Variants in TMEM223 observed in about 807,000 individuals in gnomAD.
TMEM223 encodes the protein transmembrane protein 223.
Under a neutral mutation model 14.1 loss-of-function variants are expected in TMEM223, and 14 were observed. That is an observed-to-expected ratio of 0.99 (90% CI 0.66 to 1.55). The LOEUF (loss-of-function observed/expected upper bound fraction) is 1.55. Among genes scored for constraint, TMEM223 ranks in the 40% most tolerant of loss-of-function variants. The pLI, the probability that TMEM223 is intolerant of heterozygous loss-of-function variation, is 0.00. For synonymous variants in TMEM223, 145 were observed against 120.5 expected (o/e 1.20, Z -1.33); for missense variants, 346 against 269.9 (o/e 1.28, Z -1.97).
At chr11:62,778,636 C>T in intron 1 of TMEM223, 2 of 610,742 alleles carry the variant, frequency 3.3e-6, no homozygotes, top group South Asian at 2.0e-5. Context: ...CTGAAGCTCT[C>T]AGGAGTCCGT....
At chr11:62,788,993 A>G (rs778354387), downstream of TMEM223, 1 of 1,590,040 alleles carries the variant, frequency 6.3e-7, no homozygotes, top group Non-Finnish European at 8.6e-7. Flanking sequence ...ATTAACCTGA[A>G]ATCTAGGACT....
intron 1 of TMEM223, chr11:62,777,953 G>A (rs778142241): frequency 6.2e-7 from 1 of 1,612,248 alleles, no homozygotes; most frequent in African/African-American, 1.3e-5. Flanking sequence ...GATTCAGGCT[G>A]CTCTCCAATT....
At chr11:62,776,056 G>A in intron 1 of TMEM223, 1 of 1,254,790 alleles carries the variant, frequency 8.0e-7, no homozygotes, top group Non-Finnish European at 1.1e-6. Context: ...GACAGTCCAT[G>A]CCTTTACAGA....
chr11:62,771,377 G>GCGGGGC (rs1329712890), downstream of TMEM223: 1 of 153,390 alleles, frequency 6.5e-6, no homozygotes, highest in Admixed American at 6.5e-5. Flanking sequence ...ATTGGGGAGG[G>GCGGGGC]CGGGGCCGGG....
downstream of TMEM223, among the ~76,000 whole-genome samples, chr11:62,784,263 C>T (rs1264103376): frequency 1.3e-5 from 2 of 150,066 alleles, no homozygotes; most frequent in East Asian, 4.0e-4. Context: ...GCTGGGATTA[C>T]AGGCGTGAGC....
At chr11:62,790,962 T>C in intron 1 of TMEM223, 47 bp from the exon 2 acceptor site, 2 of 1,477,550 alleles carry the variant, frequency 1.4e-6, no homozygotes, top group South Asian at 1.4e-5. Flanking sequence ...ACTGGGCATC[T>C]AAGTACCGAC....
At chr11:62,789,270 A>G (rs2084329784), downstream of TMEM223, 1 of 1,613,874 alleles carries the variant, frequency 6.2e-7, no homozygotes, top group Admixed American at 1.7e-5. Context: ...CTCCACCACA[A>G]GGCTTGTTCT....
At position 62,791,968 on chromosome 11, in the gene TMEM223, GGGC is replaced by G; in HGVS notation, c.24_26del (p.Trp8_Pro9delinsCys). On this transcript the variant is annotated inframe_deletion, in exon 1 of 2. Coordinates refer to ENST00000307366, the MANE Select transcript of TMEM223 (RefSeq NM_001080501.3). ...GCCGCAGCACGGCTAGCAGCCCCGT[GGGC>G]CATCGCCTCCAAGGCGCCGCCATGG... The G allele has an allele frequency of 6.4e-7, 1 of 1,565,154 alleles. No homozygotes were observed. The highest frequency in any genetic ancestry group is 1.4e-5 in the African/African-American group (1 of 73,918).
rs1172328949 is a variant in TMEM223 at position 62,791,730 on chromosome 11, G to C, written c.265C>G (p.Leu89Val). ...AEVPNRGPFDLRSALWRYGLA... is the reference protein window; with the variant it reads ...AEVPNRGPFDVRSALWRYGLA... ...CCGTAGCGCCAGAGCGCGGAGCGCAGGTCGAAGGGGCCACGATTTGGGACC... is the reference window on the plus strand; with the variant it reads ...CCGTAGCGCCAGAGCGCGGAGCGCACGTCGAAGGGGCCACGATTTGGGACC... Residue 89 changes from leucine to valine, a missense_variant, in exon 1 of 2, where the codon CTG becomes GTG. Leu to Val is a conservative substitution (Grantham distance 32). Transcript: ENST00000307366. 1 of 1,557,906 alleles carries C rather than the reference G, an allele frequency of 6.4e-7. No individual in the cohort carries two copies.
chr11:62,790,985 C>G (rs2134747047), intron 1 of TMEM223, 70 bp from the exon 2 acceptor site: 2 of 1,420,568 alleles, frequency 1.4e-6, no homozygotes, highest in Non-Finnish European at 1.9e-6. Flanking sequence ...TTCCAGTGCC[C>G]TCTGAATAAG....
intron 1 of TMEM223, chr11:62,782,227 A>G: frequency 2.5e-6 from 4 of 1,614,226 alleles, no homozygotes; most frequent in Non-Finnish European, 3.4e-6. Context: ...TCTGGTGGGC[A>G]GTGTCCTCTA....
At chr11:62,772,794 G>C (rs1183394231) in intron 2 of TMEM223, among the ~76,000 whole-genome samples, 4 of 142,598 alleles carry the variant, frequency 2.8e-5, no homozygotes, top group Non-Finnish European at 4.5e-5. Context: ...TGAGACATCA[G>C]ACATCATCTC....
chr11:62,775,775 A>C, intron 1 of TMEM223: 1 of 1,603,966 alleles, frequency 6.2e-7, no homozygotes, highest in Non-Finnish European at 8.5e-7. Flanking sequence ...TCCCAGCTCC[A>C]CTGGGGCCAT....
downstream of TMEM223, chr11:62,786,091 A>G (rs1156566455): frequency 5.2e-6 from 4 of 770,592 alleles, no homozygotes; most frequent in African/African-American, 5.2e-5. Context: ...TAGCTTAGGT[A>G]TACAGTAGGT....
intron 1 of TMEM223, among the ~76,000 whole-genome samples, chr11:62,791,252 A>T (rs1401533613): frequency 6.6e-6 from 1 of 151,590 alleles, no homozygotes; most frequent in East Asian, 1.9e-4. Flanking sequence ...CGGAGACATC[A>T]CTGTTTCCCA....
rs771059806 is a variant in TMEM223 at position 62,791,988 on chromosome 11, C to G, written c.7G>C (p.Ala3Pro). 13 of 1,532,008 alleles carry G rather than the reference C, an allele frequency of 8.5e-6. No individual in the cohort carries two copies. The African/African-American group carries it at 1.7e-4, about 19-fold the overall frequency. The allele number at this position is 1,532,008 out of a possible 1,614,324, so 94.9% of individuals were successfully genotyped here. A position where few individuals can be genotyped will look rare whatever the true frequency, so the allele number is the denominator to read the frequency against. MA[A>P]PWRRWPTGLL... ...CCCGTGGGCCATCGCCTCCAAGGCG[C>G]CGCCATGGCCAGCCGACTTCCGGGG... The change falls in exon 1 of 2, where the codon GCG becomes CCG. Residue 3 changes from alanine (A) to proline (P), a missense_variant. Physicochemically the swap from Ala to Pro is conservative, Grantham distance 27. Transcript: ENST00000307366.
At chr11:62,781,893 G>A in intron 1 of TMEM223, 2 of 1,614,082 alleles carry the variant, frequency 1.2e-6, no homozygotes, top group Non-Finnish European at 1.7e-6. Flanking sequence ...CTTCCTTTTA[G>A]GTTGCACTCC....
At chr11:62,776,015 T>C (rs79899241) in intron 1 of TMEM223, 1 of 1,474,772 alleles carries the variant, frequency 6.8e-7, no homozygotes, top group Admixed American at 2.2e-5. Flanking sequence ...TTTATTCAAG[T>C]GTACACTGGG....
chr11:62,791,918 TGCAGGGGCCGGCAGGTGA>T lies in TMEM223; in HGVS notation c.59_76del (p.Leu20_Leu25del), dbSNP rs762722317. On this transcript the variant is annotated inframe_deletion, in exon 1 of 2. Transcript: ENST00000307366. ...CACATCCCGTTGCAGCGTCGTGCCT[TGCAGGGGCCGGCAGGTGA>T]GCAGGGGCCGCAGCACGGCTAGCAG... The T allele has an allele frequency of 7.4e-5, 119 of 1,600,034 alleles. 1 individual carries two copies. The South Asian group carries it at 1.2e-3, about 16-fold the overall frequency.
Sources: gnomAD v4.1 joint callset for allele counts (sites outside exome capture counted in the v4.1 genomes callset) on GRCh38, gnomAD v4.1.1 for gene constraint, MANE v1.5 for transcripts, NCBI Gene and HGNC (gene_info 2026-07-23, HGNC 2026-07-21) for gene names.